Variants in CCIN observed in about 807,000 individuals in gnomAD.
CCIN encodes the protein calicin.
A neutral mutation model predicts 32.2 loss-of-function variants in CCIN; 15 were observed. The ratio of observed to expected loss-of-function variants is 0.47; its 90% CI spans 0.31 to 0.72. The LOEUF is 0.72. Among genes scored for constraint, CCIN ranks in the 30% least tolerant of loss-of-function variants. The pLI, the probability that CCIN is intolerant of heterozygous loss-of-function variation, is 0.05. For missense variants in CCIN, 623 were observed against 759.4 expected (o/e 0.82, Z 2.11); for synonymous variants, 302 against 297.4 (o/e 1.02, Z -0.16).
chr9:36,170,172 A>C lies in CCIN; in HGVS notation c.670A>C (p.Asn224His). The C allele has an allele frequency of 6.2e-7, 1 of 1,614,208 alleles. No homozygotes were observed. The change falls in exon 1 of 1, where the codon AAT (asparagine) becomes CAT (histidine). Residue 224 changes from asparagine to histidine, a missense_variant. Physicochemically the swap from Asn to His is moderately conservative, Grantham distance 68. Transcript: ENST00000335119. ...TTTCAAGAAGTTCTTCAATTACATC[A>C]ATCTCAATGCTGTCTCCAATAAGAC... Reference protein sequence around the residue: ...KYFKKFFNYINLNAVSNKTLV... With the variant: ...KYFKKFFNYIHLNAVSNKTLV...
Position 36,170,843 on chromosome 9 carries a change from C to T in CCIN, c.1341C>T (p.Cys447=), listed in dbSNP as rs779040908. 6.2e-6 allele frequency: 10 copies of T among 1,614,252 alleles called. No homozygotes were observed. The highest frequency in any genetic ancestry group is 8.5e-6 in the Non-Finnish European group (10 of 1,180,048). Residue 447 remains cysteine, a synonymous_variant, in exon 1 of 1, where the codon TGC becomes TGT. Coordinates refer to ENST00000335119, the MANE Select transcript of CCIN (RefSeq NM_005893.3). ...TCTCCCGGGTCGGGGTAGTGGACTG[C>T]TTTGACACCAGCACTGGGGACGTGG... ...GYISRVGVVD[C]FDTSTGDVVQ... is the part of the protein sequence containing the mutation.
rs781209594 is a variant in CCIN at position 36,169,714 on chromosome 9, C to T, written c.212C>T (p.Thr71Ile). 1.1e-5 allele frequency: 18 copies of T among 1,614,052 alleles called. No homozygotes were observed. The highest frequency in any genetic ancestry group is 1.5e-5 in the Non-Finnish European group (18 of 1,180,038). Residue 71 changes from threonine to isoleucine, a missense_variant, in exon 1 of 1, where the codon ACC becomes ATC. Transcript: ENST00000335119. Reference sequence around the variant, plus strand: ...AAGACCGCTGATGAGCTTTTCATCACCATTGACACCAGTTACCTGAGCCCG... The same window carrying T: ...AAGACCGCTGATGAGCTTTTCATCATCATTGACACCAGTTACCTGAGCCCG... ...DMKTADELFI[T>I]IDTSYLSPVT... is the part of the protein sequence containing the mutation.
In CCIN at chr9:36,170,461, T is replaced by G; in HGVS notation, c.959T>G (p.Leu320Arg). The change falls in exon 1 of 1, where the codon CTT becomes CGT. Residue 320 changes from leucine to arginine, a missense_variant. Leu to Arg is a moderately radical substitution (Grantham distance 102, BLOSUM62 -2). Coordinates refer to ENST00000335119, the MANE Select transcript of CCIN (RefSeq NM_005893.3). ...GACATGCCCTATCGGGCAGCAGCAC[T>G]TAGTGCCACCTCTGCTGGTCGCTAC... ...LSDMPYRAAA[L>R]SATSAGRYIY... is the part of the protein sequence containing the mutation. 3.1e-6 allele frequency: 5 copies of G among 1,614,158 alleles called. No individual in the cohort carries two copies. The highest frequency in any genetic ancestry group is 4.2e-6 in the Non-Finnish European group (5 of 1,180,048).
chr9:36,170,368 C>T lies in CCIN; in HGVS notation c.866C>T (p.Ala289Val), dbSNP rs1162945872. 6 of 1,614,138 alleles carry T rather than the reference C, an allele frequency of 3.7e-6. No individual in the cohort carries two copies. Among genetic ancestry groups the T allele is most frequent in the Non-Finnish European group, 5.1e-6 (6 of 1,180,050 alleles). ...GTGGTCATCCTCGGTGGCCAGAAGGCCCACGGCCAGTTCAATGATGGAGTG... is the reference window on the plus strand; with the variant it reads ...GTGGTCATCCTCGGTGGCCAGAAGGTCCACGGCCAGTTCAATGATGGAGTG... ...DSVVILGGQK[A>V]HGQFNDGVFA... The change falls in exon 1 of 1, where the codon GCC becomes GTC. Residue 289 changes from alanine to valine, a missense_variant. Ala to Val is a moderately conservative substitution (Grantham distance 64). Transcript: ENST00000335119.
Position 36,170,126 on chromosome 9 carries a change from G to T in CCIN, c.624G>T (p.Arg208=), listed in dbSNP as rs768169080. ...CACTCATCAATTGGGTGTACTTCCG[G>T]AAGGAGGATCGGGAGAAGTATTTCA... ...LSALINWVYF[R]KEDREKYFKK... The change falls in exon 1 of 1, where the codon CGG becomes CGT. Residue 208 remains arginine (R), a synonymous_variant. Transcript: ENST00000335119. 12 of 1,614,102 alleles carry T rather than the reference G, an allele frequency of 7.4e-6. No homozygotes were observed. In the Admixed American group the frequency reaches 2.0e-4, roughly 27 times the overall value.
In CCIN at chr9:36,170,008, C is replaced by T. The variant is rs200871445; in HGVS notation, c.506C>T (p.Ser169Phe). ...CACTACTGGGCCAGTCCTGAGGGCT[C>T]CATGCACTTCATGCGCTGTCCACCT... The part of the protein sequence containing the change: ...NFHYWASPEG[S>F]MHFMRCPPVI... The change falls in exon 1 of 1, where the codon TCC becomes TTC. Residue 169 changes from serine to phenylalanine, a missense_variant. Transcript: ENST00000335119. 6.2e-5 allele frequency: 100 copies of T among 1,613,920 alleles called. 2 individuals are homozygous for T. In the East Asian group the frequency reaches 2.2e-3, roughly 36 times the overall value.
At position 36,170,423 on chromosome 9, in the gene CCIN, G is replaced by C. The variant is rs137896494; in HGVS notation, c.921G>C (p.Trp307Cys). The part of the protein sequence containing the change: ...VFAYIIQENL[W>C]MKLSDMPYRA... ...CTTATATCATCCAGGAGAACCTGTGGATGAAGCTCTCAGACATGCCCTATC... is the reference window on the plus strand; with the variant it reads ...CTTATATCATCCAGGAGAACCTGTGCATGAAGCTCTCAGACATGCCCTATC... The change falls in exon 1 of 1, where the codon TGG (tryptophan) becomes TGC (cysteine). Residue 307 changes from tryptophan (W) to cysteine (C), a missense_variant. Coordinates refer to ENST00000335119, the MANE Select transcript of CCIN (RefSeq NM_005893.3). The C allele has an allele frequency of 1.2e-6, 2 of 1,613,986 alleles. No homozygotes were observed. The highest frequency in any genetic ancestry group is 1.7e-6 in the Non-Finnish European group (2 of 1,180,058).
Position 36,169,390 on chromosome 9 carries a change from C to G in CCIN, c.-113C>G. On this transcript the variant is annotated 5_prime_UTR_variant, in exon 1 of 1. Coordinates refer to ENST00000335119, the MANE Select transcript of CCIN (RefSeq NM_005893.3). ...ATGACATCATCCTCTCTTCCACCCT[C>G]TCTTCTCCCTGGTCAACCGCTCTGC... 3 of 1,014,634 alleles carry G rather than the reference C, an allele frequency of 3.0e-6. No homozygotes were observed. The highest frequency in any genetic ancestry group is 4.5e-6 in the Non-Finnish European group (3 of 666,416). 62.9% of individuals were successfully genotyped at this position (1,014,634 alleles called of 1,614,324 possible). A position where few individuals can be genotyped will look rare whatever the true frequency, so the allele number is the denominator to read the frequency against.
In CCIN at chr9:36,170,740, T is replaced by C. The variant is rs755036855; in HGVS notation, c.1238T>C (p.Met413Thr). The C allele has an allele frequency of 1.9e-6, 3 of 1,614,250 alleles. 1 individual carries two copies. Among genetic ancestry groups the C allele is most frequent in the South Asian group, 2.2e-5 (2 of 91,088 alleles). Residue 413 changes from methionine to threonine, a missense_variant, in exon 1 of 1, where the codon ATG (methionine) becomes ACG (threonine). Coordinates refer to ENST00000335119, the MANE Select transcript of CCIN (RefSeq NM_005893.3). ...WCLAGKMSIP[M>T]DGTAVITKGD... ...CTGGCAGGAAAGATGAGCATCCCCA[T>C]GGATGGCACCGCCGTGATCACTAAA...
rs1357739713 is a variant in CCIN, at chr9:36,169,446, G to A, written c.-57G>A. 5.1e-6 allele frequency: 8 copies of A among 1,558,834 alleles called. No individual in the cohort carries two copies. The highest frequency in any genetic ancestry group is 2.2e-5 in the East Asian group (1 of 44,554). ...ACCATCAATCTGATCCCACAGGCCT[G>A]AGAAAGTCTGCTCTCCAGTACCTGC... On this transcript the variant is annotated 5_prime_UTR_variant, in exon 1 of 1. Transcript: ENST00000335119.
Position 36,169,459 on chromosome 9 carries a change from C to T in CCIN, c.-44C>T, listed in dbSNP as rs377328449. On this transcript the variant is annotated 5_prime_UTR_variant, in exon 1 of 1. Transcript: ENST00000335119. Reference sequence around the variant, plus strand: ...TCCCACAGGCCTGAGAAAGTCTGCTCTCCAGTACCTGCTGCTGATCTGTTT... The same window carrying T: ...TCCCACAGGCCTGAGAAAGTCTGCTTTCCAGTACCTGCTGCTGATCTGTTT... The T allele has an allele frequency of 1.3e-6, 2 of 1,598,520 alleles. No individual in the cohort carries two copies. Among genetic ancestry groups the T allele is most frequent in the Admixed American group, 1.7e-5 (1 of 59,376 alleles).
chr9:36,169,864 AC>A lies in CCIN; in HGVS notation c.363del (p.Asn121LysfsTer31). ...ACACCACGCCTTCGAGTTCACTGTA[AC>A]GACTTCCTTATTAAGTCCATCTGCC... ...FNTPRLRVHC[N>X]DFLIKSICRA... is the part of the protein sequence containing the mutation. On this transcript the variant is annotated frameshift_variant, in exon 1 of 1. Coordinates refer to ENST00000335119, the MANE Select transcript of CCIN (RefSeq NM_005893.3). LOFTEE classifies it high-confidence loss of function. 6.2e-7 allele frequency: 1 copy of A among 1,614,110 alleles called. No individual in the cohort carries two copies.
Position 36,169,565 on chromosome 9 carries a change from G to A in CCIN, c.63G>A (p.Gln21=), listed in dbSNP as rs145639010. ...NSFVLQNLNR[Q]RKRKEYWDMA... is the part of the protein sequence containing the mutation. Reference sequence around the variant, plus strand: ...TCGTGCTGCAGAACCTGAACAGACAGAGGAAACGCAAAGAGTACTGGGACA... The same window carrying A: ...TCGTGCTGCAGAACCTGAACAGACAAAGGAAACGCAAAGAGTACTGGGACA... The change falls in exon 1 of 1, where the codon CAG becomes CAA. Residue 21 remains glutamine, a synonymous_variant. Transcript: ENST00000335119. 252 of 1,614,240 alleles carry A rather than the reference G, an allele frequency of 1.6e-4. No individual in the cohort carries two copies. The highest frequency in any genetic ancestry group is 2.0e-4 in the Non-Finnish European group (239 of 1,180,034).
In CCIN at chr9:36,169,867, A is replaced by C. The variant is rs1480200207; in HGVS notation, c.365A>C (p.Asp122Ala). The C allele has an allele frequency of 6.2e-7, 1 of 1,614,018 alleles. No homozygotes were observed. The change falls in exon 1 of 1, where the codon GAC (aspartate) becomes GCC (alanine). Residue 122 changes from aspartate (D) to alanine (A), a missense_variant. By Grantham distance (126) the Asp-to-Ala change is moderately radical (BLOSUM62 -2). Coordinates refer to ENST00000335119, the MANE Select transcript of CCIN (RefSeq NM_005893.3). Reference sequence around the variant, plus strand: ...CCACGCCTTCGAGTTCACTGTAACGACTTCCTTATTAAGTCCATCTGCCGT... The same window carrying C: ...CCACGCCTTCGAGTTCACTGTAACGCCTTCCTTATTAAGTCCATCTGCCGT... ...NTPRLRVHCN[D>A]FLIKSICRAN...
chr9:36,170,660 A>C lies in CCIN; in HGVS notation c.1158A>C (p.Pro386=). ...ACTCAGTGGGCGGGAGCATTGCCCC[A>C]AGGCGGTATGTCTCCAACATCTATC... ...TVYSVGGSIA[P]RRYVSNIYRY... The change falls in exon 1 of 1, where the codon CCA becomes CCC. Residue 386 remains proline (P), a synonymous_variant. Transcript: ENST00000335119. 2 of 1,614,228 alleles carry C rather than the reference A, an allele frequency of 1.2e-6. No homozygotes were observed. The highest frequency in any genetic ancestry group is 1.7e-6 in the Non-Finnish European group (2 of 1,180,036).
At position 36,169,458 on chromosome 9, in the gene CCIN, TC is replaced by T. The variant is rs761169598; in HGVS notation, c.-44del. The T allele has an allele frequency of 8.2e-6, 13 of 1,594,310 alleles. No individual in the cohort carries two copies. The highest frequency in any genetic ancestry group is 1.1e-5 in the Non-Finnish European group (13 of 1,164,756). ...ATCCCACAGGCCTGAGAAAGTCTGC[TC>T]TCCAGTACCTGCTGCTGATCTGTTT... On this transcript the variant is annotated 5_prime_UTR_variant, in exon 1 of 1. Transcript: ENST00000335119.
rs1221279033 is a variant in CCIN, at chr9:36,170,392, T to C, written c.890T>C (p.Val297Ala). 1.2e-6 allele frequency: 2 copies of C among 1,613,910 alleles called. No individual in the cohort carries two copies. Among genetic ancestry groups the C allele is most frequent in the African/African-American group, 2.7e-5 (2 of 74,920 alleles). ...GCCCACGGCCAGTTCAATGATGGAG[T>C]GTTTGCTTATATCATCCAGGAGAAC... ...QKAHGQFNDG[V>A]FAYIIQENLW... is the part of the protein sequence containing the mutation. The change falls in exon 1 of 1, where the codon GTG becomes GCG. Residue 297 changes from valine (V) to alanine (A), a missense_variant. Coordinates refer to ENST00000335119, the MANE Select transcript of CCIN (RefSeq NM_005893.3).
chr9:36,169,653 C>T lies in CCIN; in HGVS notation c.151C>T (p.Pro51Ser), dbSNP rs1826280685. Residue 51 changes from proline (P) to serine (S), a missense_variant, in exon 1 of 1, where the codon CCA (proline) becomes TCA (serine). Transcript: ENST00000335119. ...TCGCAATGTGCTGGCTGCTGTCTCC[C>T]CACTGGTGAGGAGCCTCATCTCCAG... ...AHRNVLAAVS[P>S]LVRSLISSND... is the part of the protein sequence containing the mutation. The T allele has an allele frequency of 1.2e-6, 2 of 1,614,100 alleles. No individual in the cohort carries two copies. The highest frequency in any genetic ancestry group is 2.2e-5 in the South Asian group (2 of 91,092).
In CCIN at chr9:36,170,608, C is replaced by G; in HGVS notation, c.1106C>G (p.Thr369Ser). The G allele has an allele frequency of 6.2e-7, 1 of 1,614,072 alleles. No individual in the cohort carries two copies. The highest frequency in any genetic ancestry group is 2.2e-5 in the East Asian group (1 of 44,876). The change falls in exon 1 of 1, where the codon ACC becomes AGC. Residue 369 changes from threonine to serine, a missense_variant. Transcript: ENST00000335119. Reference protein sequence around the residue: ...PDLPIGLVFHTMVTCGGTVYS... With the variant: ...PDLPIGLVFHSMVTCGGTVYS... ...CTGCCCATCGGGCTTGTCTTCCACACCATGGTGACCTGTGGGGGGACAGTG... is the reference window on the plus strand; with the variant it reads ...CTGCCCATCGGGCTTGTCTTCCACAGCATGGTGACCTGTGGGGGGACAGTG...
Sources: allele counts gnomAD v4.1 joint callset, GRCh38; gene constraint gnomAD v4.1.1; transcripts MANE v1.5; gene names NCBI Gene and HGNC (gene_info 2026-07-23, HGNC 2026-07-21).